Variants in EYA2 observed in about 807,000 individuals in gnomAD.
EYA2 encodes EYA transcriptional coactivator and phosphatase 2.
Under a neutral mutation model 69.2 loss-of-function variants are expected in EYA2, and 31 were observed. The ratio of observed to expected loss-of-function variants is 0.45; its 90% CI spans 0.34 to 0.60. The LOEUF (loss-of-function observed/expected upper bound fraction) is 0.60. Among genes scored for constraint, EYA2 ranks in the 20% least tolerant of loss-of-function variants. The pLI, the probability that EYA2 is intolerant of heterozygous loss-of-function variation, is 0.02. For synonymous variants in EYA2, 257 were observed against 279.4 expected, an observed-to-expected ratio of 0.92 and a Z score of 0.80; for missense variants, 622 against 701.2, an observed-to-expected ratio of 0.89 and a Z score of 1.28.
intron 4 of EYA2, among the ~76,000 whole-genome samples, chr20:47,007,494 G>A (rs1359386033): frequency 1.3e-5 from 2 of 152,190 alleles, no homozygotes; most frequent in East Asian, 1.9e-4. Flanking sequence ...TGAGGTGGGC[G>A]GGGCCTCCGA....
chr20:46,906,775 T>G (rs1292928446), intron 1 of EYA2, among the ~76,000 whole-genome samples: 1 of 152,156 alleles, frequency 6.6e-6, no homozygotes, highest in Non-Finnish European at 1.5e-5. Context: ...GTTCTAGAGT[T>G]TGTCTTCATA....
At chr20:46,971,458 T>G (rs1399928032) in intron 1 of EYA2, among the ~76,000 whole-genome samples, 2 of 152,230 alleles carry the variant, frequency 1.3e-5, no homozygotes, top group Non-Finnish European at 2.9e-5. Flanking sequence ...ACCTACATGT[T>G]ACTTGCATCA....
At chr20:46,907,762 C>G (rs1274143164) in intron 1 of EYA2, among the ~76,000 whole-genome samples, 1 of 152,056 alleles carries the variant, frequency 6.6e-6, no homozygotes, top group Non-Finnish European at 1.5e-5. Flanking sequence ...TTGCTTGAGC[C>G]CAGGAGGTGG....
Position 46,943,232 on chromosome 20 carries a change from C to T in EYA2, c.-10-46769C>T, listed in dbSNP as rs112104567. 2.0e-4 allele frequency among the ~76,000 whole-genome samples: 30 copies of T among 152,308 alleles called. 1 individual carries two copies. In the East Asian group the frequency reaches 5.4e-3, roughly 27 times the overall value. Reference sequence around the variant, plus strand: ...GTCAGGGTTGCTGCCAAACATCCTACGATGCACAGGACATCCCCCACCCCG... The same window carrying T: ...GTCAGGGTTGCTGCCAAACATCCTATGATGCACAGGACATCCCCCACCCCG... On this transcript the variant is annotated intron_variant, in intron 1 of 15. Coordinates refer to ENST00000327619, the MANE Select transcript of EYA2 (RefSeq NM_005244.5).
intron 1 of EYA2, among the ~76,000 whole-genome samples, chr20:46,961,849 G>A (rs2146288718): frequency 6.6e-6 from 1 of 152,332 alleles, no homozygotes; most frequent in East Asian, 1.9e-4. Flanking sequence ...AAGCAGACTG[G>A]TGGTTACTAG....
At chr20:47,182,958 G>T (rs1024459253) in intron 14 of EYA2, among the ~76,000 whole-genome samples, 9 of 152,144 alleles carry the variant, frequency 5.9e-5, no homozygotes, top group African/African-American at 2.2e-4. Flanking sequence ...GTCCAGCGCA[G>T]TGGCATCAAG....
intron 9 of EYA2, among the ~76,000 whole-genome samples, chr20:47,112,315 G>T (rs930031975): frequency 6.6e-6 from 1 of 152,144 alleles, no homozygotes; most frequent in Non-Finnish European, 1.5e-5. Context: ...TAGAGACAGG[G>T]CAGTGAGTAT....
intron 5 of EYA2, among the ~76,000 whole-genome samples, chr20:47,046,846 A>T (rs536224619): frequency 3.9e-5 from 6 of 152,312 alleles, no homozygotes; most frequent in Non-Finnish European, 7.3e-5. Context: ...GACAGATCTC[A>T]GCTGCCTCAT....
intron 1 of EYA2, among the ~76,000 whole-genome samples, chr20:46,982,032 T>G (rs1276268583): frequency 1.3e-5 from 2 of 152,218 alleles, no homozygotes; most frequent in African/African-American, 4.8e-5. Context: ...CTTTTACCAT[T>G]TCCAAGAAAA....
At chr20:47,024,581 C>G (rs1475063259) in intron 5 of EYA2, among the ~76,000 whole-genome samples, 1 of 152,242 alleles carries the variant, frequency 6.6e-6, no homozygotes, top group African/African-American at 2.4e-5. Flanking sequence ...GCACAACTTT[C>G]TTTTTCTGGG....
intron 10 of EYA2, among the ~76,000 whole-genome samples, chr20:47,162,221 C>T (rs1167130458): frequency 1.3e-5 from 2 of 152,108 alleles, no homozygotes; most frequent in Non-Finnish European, 2.9e-5. Context: ...TTAATGTGAT[C>T]ATCTGCAAAG....
At chr20:46,945,425 C>T (rs1978400184) in intron 1 of EYA2, among the ~76,000 whole-genome samples, 1 of 152,230 alleles carries the variant, frequency 6.6e-6, no homozygotes, top group Admixed American at 6.5e-5. Flanking sequence ...TAAGCAGCCT[C>T]TCTTGTACCT....
chr20:47,002,665 A>G (rs1352928983), intron 3 of EYA2, among the ~76,000 whole-genome samples: 1 of 152,178 alleles, frequency 6.6e-6, no homozygotes, highest in Non-Finnish European at 1.5e-5. Flanking sequence ...TGCAATGAAC[A>G]TATGCGTGCA....
chr20:46,995,057 C>T (rs992652059), intron 2 of EYA2, among the ~76,000 whole-genome samples: 1 of 152,124 alleles, frequency 6.6e-6, no homozygotes, highest in East Asian at 1.9e-4. Context: ...CCCACCACCA[C>T]ACCCAGCTAA....
At chr20:47,028,184 G>C (rs941892317) in intron 5 of EYA2, among the ~76,000 whole-genome samples, 1 of 152,216 alleles carries the variant, frequency 6.6e-6, no homozygotes, top group Non-Finnish European at 1.5e-5. Context: ...CCATATGCAA[G>C]CCAGGAAGAA....
chr20:47,065,481 G>A (rs1346550869), intron 5 of EYA2, among the ~76,000 whole-genome samples: 2 of 152,136 alleles, frequency 1.3e-5, no homozygotes, highest in East Asian at 3.9e-4. Flanking sequence ...AAATTTCATG[G>A]GAGGTGGGGC....
intron 1 of EYA2, among the ~76,000 whole-genome samples, chr20:46,980,140 C>T (rs920717359): frequency 6.6e-6 from 1 of 152,160 alleles, no homozygotes; most frequent in Non-Finnish European, 1.5e-5. Context: ...GCCAGATCAC[C>T]TGGTTGAGAA....
intron 9 of EYA2, among the ~76,000 whole-genome samples, chr20:47,118,789 C>T (rs1194919829): frequency 6.6e-6 from 1 of 152,122 alleles, no homozygotes; most frequent in Non-Finnish European, 1.5e-5. Flanking sequence ...AGTTAAGTCT[C>T]CTGACTATGC....
At chr20:47,109,025 A>G (rs1416312369) in intron 9 of EYA2, among the ~76,000 whole-genome samples, 1 of 152,080 alleles carries the variant, frequency 6.6e-6, no homozygotes. Context: ...GTGGAGATGC[A>G]GGCGGGGAGG....
Sources: allele counts gnomAD v4.1 joint callset (sites outside exome capture counted in the v4.1 genomes callset), GRCh38; gene constraint gnomAD v4.1.1; transcripts MANE v1.5; gene names NCBI Gene and HGNC (gene_info 2026-07-23, HGNC 2026-07-21).